KANK1: variants seen among roughly 807,000 people sequenced by gnomAD.
KANK1 encodes KN motif and ankyrin repeat domains 1, also known as KN motif and ankyrin repeat domain-containing protein 1.
Under a neutral mutation model 106.2 loss-of-function variants are expected in KANK1, and 109 were observed. The ratio of observed to expected loss-of-function variants is 1.03; its 90% confidence interval spans 0.88 to 1.20. The LOEUF is 1.20. Among genes scored for constraint, KANK1 ranks in the 50% most tolerant of loss-of-function variants. KANK1 has a pLI of 0.00. For synonymous variants in KANK1, 873 were observed against 652.2 expected (o/e 1.34, Z -5.16); for missense variants, 2,399 against 1,710.7 (o/e 1.40, Z -7.10).
intron 1 of KANK1, among the ~76,000 whole-genome samples, chr9:538,532 G>A (rs928735463): frequency 3.9e-4 from 59 of 152,288 alleles, no homozygotes; most frequent in African/African-American, 1.4e-3. Flanking sequence ...AAACTAAATT[G>A]ACAGCAACTA....
intron 3 of KANK1, among the ~76,000 whole-genome samples, chr9:482,738 A>G (rs2058227415): frequency 6.6e-6 from 1 of 152,262 alleles, no homozygotes; most frequent in African/African-American, 2.4e-5. Flanking sequence ...AGCAGCTGCC[A>G]TCTGCCAAAC....
intron 1 of KANK1, among the ~76,000 whole-genome samples, chr9:641,240 A>G (rs1423159355): frequency 6.6e-6 from 1 of 152,216 alleles, no homozygotes; most frequent in Non-Finnish European, 1.5e-5. Flanking sequence ...ATCAGATATG[A>G]ACAGTATGTT....
chr9:712,673 A>G lies in KANK1; in HGVS notation c.1907A>G (p.Asp636Gly). 1 of 1,614,088 alleles carries G rather than the reference A, an allele frequency of 6.2e-7. No homozygotes were observed. The highest frequency in any genetic ancestry group is 8.5e-7 in the Non-Finnish European group (1 of 1,180,012). The change falls in exon 3 of 12, where the codon GAC (aspartate) becomes GGC (glycine). Residue 636 changes from aspartate to glycine, a missense_variant. Asp to Gly is a moderately conservative substitution (Grantham distance 94). Coordinates refer to ENST00000382297, the MANE Select transcript of KANK1 (RefSeq NM_015158.5). ...ATCGGTTGTGGAGATTGTTCTGTTG[A>G]CGTGACCGTCTGCTCTCCAAAGGAG... The part of the protein sequence containing the change: ...RSIGCGDCSV[D>G]VTVCSPKECA...
chr9:515,764 G>C (rs142597480), intron 1 of KANK1, among the ~76,000 whole-genome samples: 16 of 151,862 alleles, frequency 1.1e-4, no homozygotes, highest in African/African-American at 3.9e-4. Flanking sequence ...TTTTAAAAAG[G>C]GGAATTGTTA....
intron 3 of KANK1, among the ~76,000 whole-genome samples, chr9:718,236 G>A (rs1419088887): frequency 6.7e-6 from 1 of 148,754 alleles, no homozygotes; most frequent in Non-Finnish European, 1.5e-5. Flanking sequence ...TGTAGGTAGT[G>A]GAAGGCCTAG....
intron 3 of KANK1, among the ~76,000 whole-genome samples, chr9:494,843 G>T (rs892566737): frequency 6.6e-6 from 1 of 151,932 alleles, no homozygotes; most frequent in Admixed American, 6.6e-5. Flanking sequence ...TAAAAATAGT[G>T]CAAATTAGCT....
chr9:648,128 C>T (rs1395873512), intron 1 of KANK1, among the ~76,000 whole-genome samples: 2 of 149,452 alleles, frequency 1.3e-5, no homozygotes, highest in African/African-American at 2.6e-5. Context: ...CTCAGCCTCC[C>T]GAGTAGCTGG....
intron 1 of KANK1, among the ~76,000 whole-genome samples, chr9:541,549 C>G (rs1335626056): frequency 2.0e-5 from 3 of 152,060 alleles, no homozygotes; most frequent in African/African-American, 7.2e-5. Flanking sequence ...AGCTTCTTGA[C>G]ATTAGCCTGG....
chr9:680,481 A>T (rs957523582), intron 2 of KANK1, among the ~76,000 whole-genome samples: 3 of 152,238 alleles, frequency 2.0e-5, no homozygotes, highest in African/African-American at 7.2e-5. Flanking sequence ...CACTTCAGAC[A>T]TACAAAATGT....
chr9:582,100 C>A (rs1005598969), intron 1 of KANK1, among the ~76,000 whole-genome samples: 1 of 152,124 alleles, frequency 6.6e-6, no homozygotes, highest in Non-Finnish European at 1.5e-5. Context: ...TGCTGGCTGC[C>A]GCCAGGTGGT....
Position 550,468 on chromosome 9 carries a change from G to C in KANK1, c.-84+45714G>C, listed in dbSNP as rs538487447. Among the ~76,000 whole-genome samples, 8 of 152,278 alleles carry C rather than the reference G, an allele frequency of 5.3e-5. No individual in the cohort carries two copies. In the South Asian group the frequency reaches 6.2e-4, roughly 12 times the overall value. On this transcript the variant is annotated intron_variant, in intron 1 of 11. Coordinates refer to ENST00000382297, the MANE Select transcript of KANK1 (RefSeq NM_015158.5). ...GGTATCTTATCAAAACACCACGCCA[G>C]GTGGCGTGGCTCACAGCTATAATCC... is the stretch of plus-strand genomic sequence containing the variant.
chr9:704,529 C>CT (rs1823499375), intron 2 of KANK1, among the ~76,000 whole-genome samples: 2 of 152,176 alleles, frequency 1.3e-5, no homozygotes, highest in African/African-American at 4.8e-5. Context: ...TTATTTGCCC[C>CT]TATTAGTGTG....
At chr9:482,049 C>G (rs932577955) in intron 3 of KANK1, among the ~76,000 whole-genome samples, 4 of 152,164 alleles carry the variant, frequency 2.6e-5, no homozygotes, top group African/African-American at 9.7e-5. Flanking sequence ...TCCTCAGCCT[C>G]TGGACCTCTC....
At chr9:583,898 TTAAATC>T (rs1194106484) in intron 1 of KANK1, among the ~76,000 whole-genome samples, 1 of 151,984 alleles carries the variant, frequency 6.6e-6, no homozygotes, top group Admixed American at 6.6e-5. Context: ...AATTTAAAAA[TTAAATC>T]TATACAATAC....
At chr9:669,902 A>T (rs1053203482) in intron 1 of KANK1, among the ~76,000 whole-genome samples, 1 of 152,044 alleles carries the variant, frequency 6.6e-6, no homozygotes, top group Non-Finnish European at 1.5e-5. Flanking sequence ...CTTGTAGGCA[A>T]TCTTTGTATA....
chr9:683,407 G>A (rs575085800), intron 2 of KANK1, among the ~76,000 whole-genome samples: 5 of 152,274 alleles, frequency 3.3e-5, no homozygotes, highest in African/African-American at 9.6e-5. Context: ...AAGCACGTAG[G>A]TAAGAACTAA....
chr9:552,709 CCCTGTGA>C (rs1422739264), intron 1 of KANK1, among the ~76,000 whole-genome samples: 1 of 152,130 alleles, frequency 6.6e-6, no homozygotes, highest in Non-Finnish European at 1.5e-5. Context: ...TGGCCTTTTT[CCCTGTGA>C]CAATTTAGGG....
chr9:658,152 T>G (rs960674369), intron 1 of KANK1, among the ~76,000 whole-genome samples: 2 of 152,138 alleles, frequency 1.3e-5, no homozygotes, highest in African/African-American at 4.8e-5. Flanking sequence ...TCCTGGAATG[T>G]CCAGTGTCCT....
chr9:606,933 A>G (rs1829349382), intron 1 of KANK1, among the ~76,000 whole-genome samples: 1 of 151,642 alleles, frequency 6.6e-6, no homozygotes, highest in Non-Finnish European at 1.5e-5. Context: ...GAGTTGGCTT[A>G]AAAACTAAGA....
Sources: gnomAD v4.1 joint callset for allele counts (sites outside exome capture counted in the v4.1 genomes callset) on GRCh38, gnomAD v4.1.1 for gene constraint, MANE v1.5 for transcripts, NCBI Gene and HGNC (gene_info 2026-07-23, HGNC 2026-07-21) for gene names.